The following IFTAP variants were observed in gnomAD, a reference collection of about 807,000 sequenced individuals.
IFTAP encodes the protein intraflagellar transport associated protein.
Under a neutral mutation model 19.4 loss-of-function variants are expected in IFTAP, and 19 were observed. That is an observed-to-expected ratio of 0.98 (90% CI 0.68 to 1.44). The LOEUF (loss-of-function observed/expected upper bound fraction) is 1.44. IFTAP is among the 40% of genes most tolerant of loss of function. The pLI, the probability that IFTAP is intolerant of heterozygous loss-of-function variation, is 0.00. For synonymous variants in IFTAP, 85 were observed against 83.5 expected, an observed-to-expected ratio of 1.02 and a Z score of -0.10; for missense variants, 240 against 253.6, an observed-to-expected ratio of 0.95 and a Z score of 0.36.
chr11:36,623,442 A>G (rs964139643), intron 2 of IFTAP, among the ~76,000 whole-genome samples: 1 of 152,026 alleles, frequency 6.6e-6, no homozygotes, highest in Non-Finnish European at 1.5e-5. Context: ...ATTATTTAAA[A>G]GGCATTTTGA....
intron 2 of IFTAP, among the ~76,000 whole-genome samples, chr11:36,610,681 A>G (rs1487301855): frequency 1.3e-5 from 2 of 152,170 alleles, no homozygotes; most frequent in Non-Finnish European, 2.9e-5. Flanking sequence ...GTTTTTGAGT[A>G]AAAGAGGAAT....
intron 2 of IFTAP, among the ~76,000 whole-genome samples, chr11:36,616,564 T>G (rs1019896714): frequency 3.2e-4 from 48 of 152,116 alleles, no homozygotes; most frequent in Admixed American, 3.0e-3. Flanking sequence ...TTCCAAACTC[T>G]CGGAGTTTCA....
At chr11:36,633,979 A>C (rs1309820868) in intron 3 of IFTAP, among the ~76,000 whole-genome samples, 1 of 152,088 alleles carries the variant, frequency 6.6e-6, no homozygotes, top group East Asian at 1.9e-4. Context: ...AAGCCATTTA[A>C]GTTTCTAATT....
chr11:36,621,751 C>G (rs575995855), intron 2 of IFTAP, among the ~76,000 whole-genome samples: 1 of 151,896 alleles, frequency 6.6e-6, no homozygotes, highest in Non-Finnish European at 1.5e-5. Context: ...AAAACAGGGT[C>G]CCTACCCTAG....
intron 5 of IFTAP, among the ~76,000 whole-genome samples, chr11:36,653,808 C>T (rs533743747): frequency 9.9e-5 from 15 of 152,132 alleles, no homozygotes; most frequent in South Asian, 8.3e-4. Context: ...GAACTAGTGC[C>T]GAGCTCAGTG....
At chr11:36,636,209 T>TA (rs1590222695) in intron 4 of IFTAP, 92 bp downstream of exon 4, 1 of 907,326 alleles carries the variant, frequency 1.1e-6, no homozygotes, top group Non-Finnish European at 1.7e-6. Context: ...TGGCAATTCT[T>TA]ACCTCCACCT....
At chr11:36,650,810 G>A (rs1195896861) in intron 5 of IFTAP, among the ~76,000 whole-genome samples, 2 of 151,920 alleles carry the variant, frequency 1.3e-5, no homozygotes, top group African/African-American at 4.8e-5. Flanking sequence ...GCGGTGTTTG[G>A]TTTTTTGTCC....
intron 1 of IFTAP, among the ~76,000 whole-genome samples, chr11:36,608,681 C>T (rs1851776423): frequency 6.6e-6 from 1 of 152,142 alleles, no homozygotes; most frequent in Non-Finnish European, 1.5e-5. Flanking sequence ...ATGGCCACTA[C>T]CAGTGTGAAT....
At chr11:36,622,367 A>G (rs1852332137) in intron 2 of IFTAP, among the ~76,000 whole-genome samples, 1 of 152,100 alleles carries the variant, frequency 6.6e-6, no homozygotes. Flanking sequence ...AGTAAATGCA[A>G]CTTTTTGTGG....
intron 2 of IFTAP, among the ~76,000 whole-genome samples, chr11:36,620,629 G>T (rs1021813975): frequency 1.3e-4 from 19 of 151,724 alleles, no homozygotes; most frequent in Non-Finnish European, 1.9e-4. Flanking sequence ...TTTGTTTTTT[G>T]TGACTGCTGG....
chr11:36,633,619 A>T (rs1030263818), intron 3 of IFTAP, among the ~76,000 whole-genome samples, 181 bp downstream of exon 3: 4 of 152,120 alleles, frequency 2.6e-5, no homozygotes, highest in Non-Finnish European at 5.9e-5. Context: ...CATAATGTTG[A>T]CAGCTATTGT....
At chr11:36,595,086 G>A (rs981848821) in intron 1 of IFTAP, 1 of 152,168 alleles carries the variant, frequency 6.6e-6, no homozygotes, top group African/African-American at 2.4e-5. Flanking sequence ...AGGTTTTAAC[G>A]AGTGCACTTT....
intron 4 of IFTAP, among the ~76,000 whole-genome samples, chr11:36,640,187 A>G (rs953207627): frequency 6.6e-6 from 1 of 152,176 alleles, no homozygotes; most frequent in South Asian, 2.1e-4. Flanking sequence ...TTGGCAGGTC[A>G]TGTGTTGATG....
chr11:36,607,845 G>C (rs1038462502), intron 1 of IFTAP, among the ~76,000 whole-genome samples: 15 of 152,058 alleles, frequency 9.9e-5, no homozygotes, highest in Admixed American at 9.2e-4. Flanking sequence ...GGCTAATTTT[G>C]TATTTTTAGT....
At chr11:36,610,715 T>C (rs1157887052) in intron 2 of IFTAP, among the ~76,000 whole-genome samples, 1 of 152,128 alleles carries the variant, frequency 6.6e-6, no homozygotes, top group African/African-American at 2.4e-5. Flanking sequence ...CTCTCAAAGG[T>C]TGAGAAACGT....
At chr11:36,644,767 G>A (rs536366268) in intron 4 of IFTAP, among the ~76,000 whole-genome samples, 2 of 148,256 alleles carry the variant, frequency 1.3e-5, no homozygotes, top group African/African-American at 5.0e-5. Context: ...ACCAAACACT[G>A]AATGTTCTCA....
At chr11:36,610,534 CAA>C (rs1299259583) in intron 2 of IFTAP, among the ~76,000 whole-genome samples, 2 of 151,918 alleles carry the variant, frequency 1.3e-5, no homozygotes, top group Non-Finnish European at 2.9e-5. Flanking sequence ...AAGCCAAATG[CAA>C]AGAGTGGAGG....
chr11:36,628,826 G>A (rs1039501222), intron 2 of IFTAP, among the ~76,000 whole-genome samples: 1 of 151,162 alleles, frequency 6.6e-6, no homozygotes, highest in African/African-American at 2.5e-5. Context: ...GTGCATTTGT[G>A]CCTTGGCAGG....
intron 2 of IFTAP, among the ~76,000 whole-genome samples, chr11:36,614,368 A>C (rs1261548618): frequency 6.7e-6 from 1 of 148,474 alleles, no homozygotes; most frequent in East Asian, 1.9e-4. Context: ...GAATAATGCC[A>C]CAATAAACAT....
Sources: allele counts gnomAD v4.1 joint callset (sites outside exome capture counted in the v4.1 genomes callset), GRCh38; gene constraint gnomAD v4.1.1; transcripts MANE v1.5; gene names NCBI Gene and HGNC (gene_info 2026-07-23, HGNC 2026-07-21).